EZH2: variants seen among roughly 807,000 people sequenced by gnomAD.
The protein encoded by EZH2 is enhancer of zeste 2 polycomb repressive complex 2 subunit.
In EZH2, 18 loss-of-function variants were observed where a neutral mutation model predicts 98.4. That is an observed-to-expected ratio of 0.18 (90% CI 0.13 to 0.27). The LOEUF (loss-of-function observed/expected upper bound fraction) is 0.27, where lower values mean the gene tolerates loss of function less well. Among genes scored for constraint, EZH2 ranks in the 10% least tolerant of loss-of-function variants. The probability of loss-of-function intolerance (pLI) is 1.00; values close to 1 mark genes in which losing one functional copy is unlikely to be tolerated. For missense variants in EZH2, 470 were observed against 935.1 expected (o/e 0.50, Z 6.49); for synonymous variants, 338 against 312.3 (o/e 1.08, Z -0.87).
At chr7:148,864,410 C>T (rs956581209) in intron 1 of EZH2, among the ~76,000 whole-genome samples, 1 of 152,160 alleles carries the variant, frequency 6.6e-6, no homozygotes, top group African/African-American at 2.4e-5. Flanking sequence ...CAGCTGGGGG[C>T]CATGGCTCAC....
At chr7:148,811,201 GCA>G (rs775697062) in intron 16 of EZH2, among the ~76,000 whole-genome samples, 31 of 152,178 alleles carry the variant, frequency 2.0e-4, no homozygotes, top group Non-Finnish European at 3.2e-4. Context: ...GAGTGCAGTG[GCA>G]CAAACATGGC....
chr7:148,850,897 T>TG (rs1331730635), intron 1 of EZH2, among the ~76,000 whole-genome samples: 48 of 152,270 alleles, frequency 3.2e-4, no homozygotes, highest in African/African-American at 1.1e-3. Flanking sequence ...CAATAACTAA[T>TG]GGTAAAATGA....
At chr7:148,868,620 C>T (rs1299588286) in intron 1 of EZH2, among the ~76,000 whole-genome samples, 1 of 152,144 alleles carries the variant, frequency 6.6e-6, no homozygotes, top group African/African-American at 2.4e-5. Context: ...CCTAGAACTT[C>T]CATATGGGAA....
chr7:148,881,835 G>A (rs926187868), intron 1 of EZH2, among the ~76,000 whole-genome samples: 1 of 151,634 alleles, frequency 6.6e-6, no homozygotes, highest in Non-Finnish European at 1.5e-5. Flanking sequence ...TCGGGAGGCT[G>A]AGGCAGGGGA....
In EZH2 at chr7:148,811,997, C is replaced by T. The variant is rs546079708; in HGVS notation, c.1852-277G>A. Among the ~76,000 whole-genome samples, 8 of 152,330 alleles carry T rather than the reference C, an allele frequency of 5.3e-5. No homozygotes were observed. In the South Asian group the frequency reaches 1.7e-3, roughly 32 times the overall value. ...GCAATGACCATCGTTCAGCAAGGTGCTCTAGGCCTGCTGCACTTTTGGCTT... is the reference window on the plus strand; with the variant it reads ...GCAATGACCATCGTTCAGCAAGGTGTTCTAGGCCTGCTGCACTTTTGGCTT... On this transcript the variant is annotated intron_variant, in intron 15 of 19. Transcript: ENST00000320356.
chr7:148,855,348 T>C (rs1196843081), intron 1 of EZH2, among the ~76,000 whole-genome samples: 1 of 152,230 alleles, frequency 6.6e-6, no homozygotes, highest in South Asian at 2.1e-4. Flanking sequence ...GTATTAATTC[T>C]AAGTCCTATA....
rs1361896266 is a variant in EZH2, at chr7:148,836,018, C to G, written c.247-3268G>C. 2.0e-5 allele frequency among the ~76,000 whole-genome samples: 3 copies of G among 152,134 alleles called. No individual in the cohort carries two copies. In the East Asian group the frequency reaches 5.8e-4, roughly 29 times the overall value. ...TTCCAGTCCCATACCTCTGTCATAC[C>G]CCAGTATCCCATCGCCTCAGTTCTG... is the stretch of plus-strand genomic sequence containing the variant. On this transcript the variant is annotated intron_variant, in intron 3 of 19. Transcript: ENST00000320356.
intron 12 of EZH2, among the ~76,000 whole-genome samples, chr7:148,816,171 T>G (rs1804497700): frequency 6.6e-6 from 1 of 152,182 alleles, no homozygotes; most frequent in African/African-American, 2.4e-5. Flanking sequence ...CTCATCAATT[T>G]TTCTGGTTCT....
intron 3 of EZH2, among the ~76,000 whole-genome samples, chr7:148,844,569 C>T (rs1544571): frequency 0.8 from 122,136 of 152,112 alleles, 49,715 homozygotes; most frequent in African/African-American, 0.94. Flanking sequence ...TTCCCCCATA[C>T]TCTGTGAAAA....
intron 8 of EZH2, among the ~76,000 whole-genome samples, chr7:148,820,551 G>GAA (rs778312083): frequency 3.6e-4 from 45 of 123,392 alleles, no homozygotes; most frequent in African/African-American, 1.3e-3. Context: ...GAAAAGGAAG[G>GAA]AAAAAAAAAA....
intron 1 of EZH2, among the ~76,000 whole-genome samples, chr7:148,860,529 C>T (rs552826332): frequency 6.6e-5 from 10 of 151,476 alleles, no homozygotes; most frequent in Middle Eastern, 3.4e-3. Flanking sequence ...AAAATAAAAA[C>T]GGTAATTCAA....
intron 16 of EZH2, among the ~76,000 whole-genome samples, chr7:148,811,151 T>C (rs1802956229): frequency 6.6e-6 from 1 of 152,176 alleles, no homozygotes; most frequent in African/African-American, 2.4e-5. Flanking sequence ...TTTGCTTTTT[T>C]TCCCCTCTGA....
At chr7:148,846,745 T>G in intron 2 of EZH2, 147 bp from the exon 3 acceptor site, 1 of 691,548 alleles carries the variant, frequency 1.4e-6, no homozygotes, top group Non-Finnish European at 2.4e-6. Context: ...ACACTATAGT[T>G]TCCCACATTC....
chr7:148,840,944 G>A (rs930836212), intron 3 of EZH2, among the ~76,000 whole-genome samples: 3 of 151,948 alleles, frequency 2.0e-5, no homozygotes, highest in African/African-American at 4.8e-5. Context: ...TTTGCATTTG[G>A]GGAAGATACA....
intron 17 of EZH2, 129 bp downstream of exon 17, chr7:148,810,204 C>T (rs1349082560): frequency 3.5e-6 from 2 of 577,078 alleles, no homozygotes; most frequent in Non-Finnish European, 6.4e-6. Context: ...CAAGCAGCCC[C>T]CCATGCCTCT....
At chr7:148,836,869 G>T in intron 3 of EZH2, 1 of 509,778 alleles carries the variant, frequency 2.0e-6, no homozygotes, top group South Asian at 1.5e-5. Flanking sequence ...ACCACTGGGA[G>T]CTGGAGAGGG....
chr7:148,829,526 T>C (rs1004415227), intron 5 of EZH2, among the ~76,000 whole-genome samples: 2 of 152,230 alleles, frequency 1.3e-5, no homozygotes, highest in Non-Finnish European at 2.9e-5. Context: ...GTGGCAAACA[T>C]GATCCTCCTA....
At chr7:148,821,414 G>A (rs992756184) in intron 8 of EZH2, among the ~76,000 whole-genome samples, 8 of 152,110 alleles carry the variant, frequency 5.3e-5, no homozygotes, top group African/African-American at 1.9e-4. Context: ...GTGATGGTAT[G>A]GTTAGTTAGA....
At chr7:148,865,600 T>A (rs1818327113) in intron 1 of EZH2, among the ~76,000 whole-genome samples, 1 of 152,194 alleles carries the variant, frequency 6.6e-6, no homozygotes, top group African/African-American at 2.4e-5. Context: ...CAATGATCTG[T>A]TCTCATTCTA....
Sources: gnomAD v4.1 joint callset for allele counts (sites outside exome capture counted in the v4.1 genomes callset) on GRCh38, gnomAD v4.1.1 for gene constraint, MANE v1.5 for transcripts, NCBI Gene and HGNC (gene_info 2026-07-23, HGNC 2026-07-21) for gene names.